Variants in PSIP1 observed in about 807,000 individuals in gnomAD.
PSIP1 encodes the protein PC4 and SRSF1 interacting protein 1.
Under a neutral mutation model 74.7 loss-of-function variants are expected in PSIP1, and 19 were observed. That is an observed-to-expected ratio of 0.25 (90% CI 0.18 to 0.37). PSIP1 has a LOEUF of 0.37. Among genes scored for constraint, PSIP1 ranks in the 10% least tolerant of loss-of-function variants. The probability of loss-of-function intolerance (pLI) is 1.00; values close to 1 mark genes in which losing one functional copy is unlikely to be tolerated. For missense variants in PSIP1, 601 were observed against 614.3 expected, an observed-to-expected ratio of 0.98 and a Z score of 0.23; for synonymous variants, 222 against 195.3, an observed-to-expected ratio of 1.14 and a Z score of -1.14.
At chr9:15,470,447 C>T (rs1238901890) in intron 10 of PSIP1, among the ~76,000 whole-genome samples, 1 of 151,910 alleles carries the variant, frequency 6.6e-6, no homozygotes, top group East Asian at 1.9e-4. Context: ...AAAATTTTGG[C>T]CAATTCATCA....
intron 10 of PSIP1, 102 bp from the exon 11 acceptor site, chr9:15,470,095 A>G: frequency 1.1e-6 from 1 of 888,302 alleles, no homozygotes. Context: ...AAAATAAGTC[A>G]ATAGCCTAGA....
intron 1 of PSIP1, 56 bp from the exon 2 acceptor site, chr9:15,510,385 A>T (rs1586879578): frequency 9.2e-5 from 1 of 10,920 alleles, no homozygotes; most frequent in Admixed American, 1.0e-3. Flanking sequence ...AGGGGCCGCA[A>T]GGGGAGGGGG....
intron 10 of PSIP1, chr9:15,470,614 C>T (rs2035781757): frequency 1.1e-6 from 1 of 950,134 alleles, no homozygotes; most frequent in Non-Finnish European, 1.3e-6. Context: ...TAGACAAGAA[C>T]AAAAAATATC....
In PSIP1 at chr9:15,464,972, A is replaced by G. The variant is rs892802617; in HGVS notation, c.*548T>C. 7.8e-5 allele frequency: 17 copies of G among 217,830 alleles called. No individual in the cohort carries two copies. The highest frequency in any genetic ancestry group is 3.4e-4 in the African/African-American group (15 of 44,496). The allele number at this position is 217,830 out of a possible 1,614,324, so 13.5% of individuals were successfully genotyped here. A position where few individuals can be genotyped will look rare whatever the true frequency, so the allele number is the denominator to read the frequency against. On this transcript the variant is annotated 3_prime_UTR_variant, in exon 16 of 16. Coordinates refer to ENST00000380733, the MANE Select transcript of PSIP1 (RefSeq NM_033222.5). ...GCACACATTGTTCCAAAGAAGCTGG[A>G]TAATGTAGCACAATGTAGACTGTGA...
At chr9:15,494,479 C>T (rs1015474165) in intron 3 of PSIP1, among the ~76,000 whole-genome samples, 6 of 144,560 alleles carry the variant, frequency 4.2e-5, no homozygotes, top group African/African-American at 1.0e-4. Flanking sequence ...GCAATAGAAT[C>T]GCTTGAACCC....
intron 11 of PSIP1, 64 bp from the exon 12 acceptor site, chr9:15,469,400 G>T: frequency 1.0e-6 from 1 of 1,001,932 alleles, no homozygotes; most frequent in Non-Finnish European, 1.5e-6. Flanking sequence ...TCTATATACA[G>T]GCTAAGTATA....
chr9:15,485,013 G>C (rs2036499455), intron 6 of PSIP1, among the ~76,000 whole-genome samples: 1 of 151,948 alleles, frequency 6.6e-6, no homozygotes, highest in South Asian at 2.1e-4. Context: ...GAGCCCACAA[G>C]TTTCAGGTTG....
chr9:15,491,427 G>T (rs1340010443), intron 3 of PSIP1, among the ~76,000 whole-genome samples: 1 of 152,202 alleles, frequency 6.6e-6, no homozygotes, highest in East Asian at 1.9e-4. Flanking sequence ...CCACTACTCA[G>T]TGCATGTTTG....
chr9:15,475,538 T>G (rs2036038693), intron 8 of PSIP1, among the ~76,000 whole-genome samples: 1 of 152,166 alleles, frequency 6.6e-6, no homozygotes, highest in African/African-American at 2.4e-5. Context: ...TATATTTGCA[T>G]TATGTACAAA....
chr9:15,486,146 C>A (rs2036549460), intron 5 of PSIP1, 78 bp from the exon 6 acceptor site: 2 of 1,231,534 alleles, frequency 1.6e-6, no homozygotes, highest in Non-Finnish European at 2.3e-6. Context: ...CTAAAAGTTA[C>A]AAGCACGTTT....
intron 14 of PSIP1, chr9:15,468,376 GT>G (rs752484022): frequency 1.9e-5 from 13 of 692,684 alleles, no homozygotes; most frequent in South Asian, 1.6e-4. Flanking sequence ...TTTAAAAATT[GT>G]TTATCCAGAG....
intron 3 of PSIP1, among the ~76,000 whole-genome samples, chr9:15,499,510 G>A (rs1046836481): frequency 2.0e-5 from 3 of 152,092 alleles, no homozygotes; most frequent in African/African-American, 7.2e-5. Flanking sequence ...TTCACTTTTT[G>A]TGAATAATAT....
intron 3 of PSIP1, 68 bp from the exon 4 acceptor site, chr9:15,490,192 C>T (rs367792237): frequency 1.7e-5 from 22 of 1,332,762 alleles, no homozygotes; most frequent in Middle Eastern, 1.9e-4. Flanking sequence ...AGATAAGACA[C>T]CCTATTACAC....
intron 10 of PSIP1, 116 bp downstream of exon 10, chr9:15,472,516 G>A (rs1357266433): frequency 1.4e-6 from 2 of 1,452,164 alleles, no homozygotes; most frequent in African/African-American, 2.9e-5. Context: ...TAACACATGG[G>A]AAAAGTCACT....
chr9:15,476,722 TAAC>T (rs1337197896), intron 8 of PSIP1, among the ~76,000 whole-genome samples: 12 of 152,274 alleles, frequency 7.9e-5, no homozygotes, highest in African/African-American at 2.6e-4. Context: ...AGAAAAGTCT[TAAC>T]AATAATTGCA....
intron 3 of PSIP1, among the ~76,000 whole-genome samples, chr9:15,504,085 C>T (rs894774307): frequency 1.3e-5 from 2 of 152,166 alleles, no homozygotes; most frequent in Non-Finnish European, 1.5e-5. Context: ...ACCACCAGAC[C>T]AACATACATA....
chr9:15,496,951 G>C (rs556753761), intron 3 of PSIP1, among the ~76,000 whole-genome samples: 8 of 152,138 alleles, frequency 5.3e-5, no homozygotes, highest in Non-Finnish European at 7.3e-5. Context: ...GGAGAAATTG[G>C]AACCCTCCTA....
chr9:15,499,661 C>T (rs2037240194), intron 3 of PSIP1, among the ~76,000 whole-genome samples: 1 of 151,994 alleles, frequency 6.6e-6, no homozygotes, highest in Non-Finnish European at 1.5e-5. Flanking sequence ...AACATTTGAG[C>T]CCAGGAGTTC....
intron 6 of PSIP1, 44 bp from the exon 7 acceptor site, chr9:15,479,731 C>T (rs751975162): frequency 6.6e-7 from 1 of 1,519,636 alleles, no homozygotes; most frequent in Non-Finnish European, 9.1e-7. Context: ...AAATAGTAGG[C>T]ACTCAAAGTT....
Sources: gnomAD v4.1 joint callset for allele counts (sites outside exome capture counted in the v4.1 genomes callset) on GRCh38, gnomAD v4.1.1 for gene constraint, MANE v1.5 for transcripts, NCBI Gene and HGNC (gene_info 2026-07-23, HGNC 2026-07-21) for gene names.